Variants in KDM4C observed in about 807,000 individuals in gnomAD.
KDM4C encodes lysine demethylase 4C.
In KDM4C, 81 loss-of-function variants were observed where a neutral mutation model predicts 129.3. The ratio of observed to expected loss-of-function variants is 0.63; its 90% CI spans 0.52 to 0.75. The LOEUF (loss-of-function observed/expected upper bound fraction) is 0.75, where lower values mean the gene tolerates loss of function less well. Ranked by LOEUF, KDM4C falls within the 30% of genes least tolerant of loss-of-function variation. KDM4C has a pLI of 0.00. For missense variants in KDM4C, 1,457 were observed against 1,304.0 expected (o/e 1.12, Z -1.81); for synonymous variants, 573 against 456.1 (o/e 1.26, Z -3.26).
At position 7,155,404 on chromosome 9, in the gene KDM4C, A is replaced by G. The variant is rs567581381; in HGVS notation, c.2782-9834A>G. ...TTAAGTTCTAGGGTACATGTGCACAATGTGCAGGTTTGATACATAGGTATA... is the reference window on the plus strand; with the variant it reads ...TTAAGTTCTAGGGTACATGTGCACAGTGTGCAGGTTTGATACATAGGTATA... On this transcript the variant is annotated intron_variant, in intron 19 of 21. Transcript: ENST00000381309. Among the ~76,000 whole-genome samples, 64 of 152,206 alleles carry G rather than the reference A, an allele frequency of 4.2e-4. 1 individual carries two copies. Among genetic ancestry groups the G allele is most frequent in the South Asian group, 2.1e-4 (1 of 4,814 alleles).
chr9:7,072,527 C>T (rs981400742), intron 17 of KDM4C, among the ~76,000 whole-genome samples: 3 of 152,196 alleles, frequency 2.0e-5, no homozygotes, highest in African/African-American at 7.2e-5. Flanking sequence ...ACTCAAAAGG[C>T]TCCGTACTGT....
At chr9:7,172,450 A>G (rs556364218) in intron 21 of KDM4C, among the ~76,000 whole-genome samples, 2 of 152,368 alleles carry the variant, frequency 1.3e-5, no homozygotes, top group East Asian at 3.9e-4. Flanking sequence ...CAGTGGCAAC[A>G]CTTTCATAGA....
chr9:6,816,782 C>A (rs1331679409), intron 4 of KDM4C, among the ~76,000 whole-genome samples: 2 of 151,184 alleles, frequency 1.3e-5, no homozygotes, highest in African/African-American at 4.9e-5. Flanking sequence ...CTTATGTTCA[C>A]TGAATGTTTG....
intron 4 of KDM4C, among the ~76,000 whole-genome samples, chr9:6,830,640 G>A (rs866072562): frequency 6.6e-6 from 1 of 152,162 alleles, no homozygotes; most frequent in African/African-American, 2.4e-5. Flanking sequence ...TAATATTTAG[G>A]AGAATTATTG....
intron 1 of KDM4C, among the ~76,000 whole-genome samples, chr9:6,725,185 G>C (rs1042536419): frequency 2.0e-5 from 3 of 152,036 alleles, no homozygotes; most frequent in African/African-American, 7.2e-5. Context: ...GATCGAGGCC[G>C]AGGCCACTGT....
At chr9:6,855,443 A>G (rs186264150) in intron 5 of KDM4C, among the ~76,000 whole-genome samples, 75 of 123,532 alleles carry the variant, frequency 6.1e-4, no homozygotes, top group African/African-American at 2.3e-3. Context: ...TGGGGAACAC[A>G]GTGAGACTCC....
intron 1 of KDM4C, among the ~76,000 whole-genome samples, chr9:6,784,639 T>C (rs560082265): frequency 1.3e-5 from 2 of 152,372 alleles, no homozygotes; most frequent in East Asian, 3.9e-4. Flanking sequence ...CTTCCATTCC[T>C]ACCCCTGGCC....
chr9:7,158,906 C>T (rs1278844034), intron 19 of KDM4C, among the ~76,000 whole-genome samples: 2 of 152,176 alleles, frequency 1.3e-5, no homozygotes, highest in African/African-American at 2.4e-5. Context: ...TGTTAACCTT[C>T]TGTCTCGTTG....
intron 8 of KDM4C, among the ~76,000 whole-genome samples, chr9:6,968,559 C>T (rs1831405531): frequency 6.6e-6 from 1 of 152,084 alleles, no homozygotes; most frequent in Non-Finnish European, 1.5e-5. Context: ...TTTATGGTTT[C>T]ATAAAGAATG....
intron 17 of KDM4C, among the ~76,000 whole-genome samples, chr9:7,099,230 C>A (rs1836802303): frequency 6.6e-6 from 1 of 152,112 alleles, no homozygotes; most frequent in Admixed American, 6.5e-5. Context: ...CAAAACAAAA[C>A]AATAAAAAAT....
At chr9:7,139,108 C>CA (rs1277514571) in intron 19 of KDM4C, among the ~76,000 whole-genome samples, 1 of 151,736 alleles carries the variant, frequency 6.6e-6, no homozygotes. Flanking sequence ...CCCATCTCTA[C>CA]AAAAAAATTT....
At chr9:7,098,306 C>G (rs1217628369) in intron 17 of KDM4C, among the ~76,000 whole-genome samples, 1 of 152,198 alleles carries the variant, frequency 6.6e-6, no homozygotes, top group African/African-American at 2.4e-5. Flanking sequence ...TTCCCTGCTA[C>G]TTGACTTTTC....
chr9:7,077,876 G>A (rs1834101705), intron 17 of KDM4C, among the ~76,000 whole-genome samples: 1 of 152,160 alleles, frequency 6.6e-6, no homozygotes, highest in African/African-American at 2.4e-5. Context: ...GAAACACATG[G>A]TCACCCTCTT....
intron 8 of KDM4C, among the ~76,000 whole-genome samples, chr9:6,951,904 C>A (rs1332215057): frequency 6.6e-6 from 1 of 152,070 alleles, no homozygotes; most frequent in South Asian, 2.1e-4. Context: ...GATAATTGAT[C>A]TTTTGTCATT....
At chr9:7,118,088 C>T (rs1318383359) in intron 18 of KDM4C, among the ~76,000 whole-genome samples, 3 of 152,170 alleles carry the variant, frequency 2.0e-5, no homozygotes, top group Non-Finnish European at 2.9e-5. Flanking sequence ...GGGCCACTAC[C>T]TCCGAGGTGA....
chr9:7,140,880 C>G (rs1841676451), intron 19 of KDM4C, among the ~76,000 whole-genome samples: 1 of 152,178 alleles, frequency 6.6e-6, no homozygotes, highest in Non-Finnish European at 1.5e-5. Flanking sequence ...GAGCATGTAA[C>G]TAGAAATAAA....
intron 9 of KDM4C, among the ~76,000 whole-genome samples, chr9:6,981,436 T>G (rs1304115164): frequency 3.9e-5 from 6 of 152,240 alleles, no homozygotes; most frequent in African/African-American, 1.4e-4. Context: ...CATATTTTAA[T>G]CAATAACTTG....
rs1392173912 is a variant in KDM4C, at chr9:7,159,121, GTTGGT to G, written c.2782-6113_2782-6109del. 5.9e-5 allele frequency among the ~76,000 whole-genome samples: 9 copies of G among 152,212 alleles called. No homozygotes were observed. In the East Asian group the frequency reaches 1.7e-3, roughly 29 times the overall value. Reference sequence around the variant, plus strand: ...GGCCTTCTTTGTCTCTTTTGATTTTGTTGGTTTGAAGTCTGTTTAACCAGGATTGC... The same window carrying G: ...GGCCTTCTTTGTCTCTTTTGATTTTGTTGAAGTCTGTTTAACCAGGATTGC... On this transcript the variant is annotated intron_variant, in intron 19 of 21. Coordinates refer to ENST00000381309, the MANE Select transcript of KDM4C (RefSeq NM_015061.6).
At chr9:6,760,997 G>T (rs1819377405) in intron 1 of KDM4C, among the ~76,000 whole-genome samples, 1 of 146,276 alleles carries the variant, frequency 6.8e-6, no homozygotes, top group African/African-American at 2.6e-5. Context: ...TCCTTTCCTG[G>T]ATGTCTTTTT....
Sources: allele counts gnomAD v4.1 joint callset (sites outside exome capture counted in the v4.1 genomes callset), GRCh38; gene constraint gnomAD v4.1.1; transcripts MANE v1.5; gene names NCBI Gene and HGNC (gene_info 2026-07-23, HGNC 2026-07-21).